The following TFB1M variants were observed in gnomAD, a reference collection of about 807,000 sequenced individuals.
The protein encoded by TFB1M is transcription factor B1, mitochondrial, also known as dimethyladenosine transferase 1, mitochondrial.
Under a neutral mutation model 31.1 loss-of-function variants are expected in TFB1M, and 27 were observed. The ratio of observed to expected loss-of-function variants is 0.87; its 90% CI spans 0.64 to 1.20. TFB1M has a LOEUF of 1.20. Ranked by LOEUF, TFB1M falls within the 50% of genes most tolerant of loss-of-function variation. The pLI is 0.00. For missense variants in TFB1M, 394 were observed against 418.7 expected (o/e 0.94, Z 0.51); for synonymous variants, 166 against 151.8 (o/e 1.09, Z -0.69).
At chr6:155,276,341 G>A (rs368500699) in intron 5 of TFB1M, 10 of 1,613,196 alleles carry the variant, frequency 6.2e-6, no homozygotes, top group Admixed American at 1.7e-5. Flanking sequence ...CACACAGCTC[G>A]AGAACAATTC....
At chr6:155,232,199 G>T in the TFB1M span, among the ~76,000 whole-genome samples, 8,770 of 152,084 alleles carry the variant, frequency 0.058, 845 homozygotes, top group African/African-American at 0.2. Flanking sequence ...AGATCTTTCT[G>T]TAAGTTAGAC....
downstream of TFB1M, chr6:155,254,217 T>A (rs370449682): frequency 6.1e-6 from 6 of 986,122 alleles, no homozygotes. Flanking sequence ...TAGGAGACTA[T>A]GTTGATTAAA....
Position 155,257,562 on chromosome 6 carries a change from A to C in TFB1M, c.*274T>G. 1 of 378,302 alleles carries C rather than the reference A, an allele frequency of 2.6e-6. No homozygotes were observed. The highest frequency in any genetic ancestry group is 4.4e-6 in the Non-Finnish European group (1 of 227,756). 23.4% of individuals were successfully genotyped at this position (378,302 alleles called of 1,614,324 possible). A position where few individuals can be genotyped will look rare whatever the true frequency, so the allele number is the denominator to read the frequency against. The stretch of plus-strand genomic sequence containing the variant: ...AATGTGGTTTAGGGGCAAAATGTGC[A>C]GATACTTCATTTTTGTAAGATAGAT... On this transcript the variant is annotated 3_prime_UTR_variant, in exon 7 of 7. Transcript: ENST00000367166.
the TFB1M span, chr6:155,244,093 C>T: frequency 2.5e-5 from 40 of 1,611,532 alleles, no homozygotes; most frequent in Admixed American, 3.2e-4. Context: ...AATAAAATCA[C>T]CTTCCTTCTG....
chr6:155,291,092 AT>A (rs1321371585), intron 4 of TFB1M, among the ~76,000 whole-genome samples: 1 of 152,144 alleles, frequency 6.6e-6, no homozygotes, highest in Non-Finnish European at 1.5e-5. Flanking sequence ...GAACCCTCTG[AT>A]TTATTTTATA....
intron 5 of TFB1M, 42 bp from the exon 6 acceptor site, chr6:155,260,442 T>C: frequency 6.2e-7 from 1 of 1,613,188 alleles, no homozygotes; most frequent in Non-Finnish European, 8.5e-7. Context: ...TGGCATGATA[T>C]GTGGCATAGT....
chr6:155,257,999 C>G lies in TFB1M; in HGVS notation c.878G>C (p.Arg293Pro). 6.2e-7 allele frequency: 1 copy of G among 1,614,192 alleles called. No individual in the cohort carries two copies. The stretch of plus-strand genomic sequence containing the variant: ...CTTAAAGTGTGAGATGGAGAGCTGG[C>G]GGGGCCGAAGAGTAGGGTCTATGTC... ...LADIDPTLRP[R>P]QLSISHFKSL... Residue 293 changes from arginine (R) to proline (P), a missense_variant, in exon 7 of 7, where the codon CGC (arginine) becomes CCC (proline). Physicochemically the swap from Arg to Pro is moderately radical, Grantham distance 103. This residue lies in a region of TFB1M where 115 missense variants were observed against 144.1 expected (regional missense o/e 0.80). Coordinates refer to ENST00000367166, the MANE Select transcript of TFB1M (RefSeq NM_016020.4).
At chr6:155,271,999 TCAG>T (rs1475827012) in intron 5 of TFB1M, among the ~76,000 whole-genome samples, 4 of 152,204 alleles carry the variant, frequency 2.6e-5, no homozygotes, top group African/African-American at 7.2e-5. Flanking sequence ...TCTAACACCA[TCAG>T]CAGTTTTTAC....
At chr6:155,294,214 T>C (rs12529366) in intron 4 of TFB1M, among the ~76,000 whole-genome samples, 13,802 of 152,224 alleles carry the variant, frequency 0.091, 780 homozygotes, top group Non-Finnish European at 0.11. Context: ...GAGTGGACTA[T>C]AGATATAAAT....
At chr6:155,260,143 G>T (rs1352346119) in intron 6 of TFB1M, 130 bp downstream of exon 6, 9 of 1,085,466 alleles carry the variant, frequency 8.3e-6, no homozygotes, top group Non-Finnish European at 1.1e-5. Context: ...GTGAAGTCTT[G>T]TCCGTCACAG....
Position 155,256,417 on chromosome 6 carries a change from G to C in TFB1M, c.*1419C>G, listed in dbSNP as rs1424391558. 6.2e-7 allele frequency: 1 copy of C among 1,601,582 alleles called. No homozygotes were observed. Among genetic ancestry groups the C allele is most frequent in the Non-Finnish European group, 8.5e-7 (1 of 1,173,908 alleles). Reference sequence around the variant, plus strand: ...TAATGTTAAATCTTACACAAGCTTTGAGGCAAACATTACACATTGTGTAAC... The same window carrying C: ...TAATGTTAAATCTTACACAAGCTTTCAGGCAAACATTACACATTGTGTAAC... On this transcript the variant is annotated 3_prime_UTR_variant, in exon 7 of 7. Coordinates refer to ENST00000367166, the MANE Select transcript of TFB1M (RefSeq NM_016020.4).
rs565754803 is a variant in TFB1M at position 155,314,415 on chromosome 6, C to G, written c.14G>C (p.Gly5Ala). The G allele has an allele frequency of 1.2e-6, 2 of 1,614,096 alleles. No individual in the cohort carries two copies. Among genetic ancestry groups the G allele is most frequent in the African/African-American group, 2.7e-5 (2 of 74,936 alleles). Residue 5 changes from glycine to alanine, a missense_variant, in exon 1 of 7, where the codon GGA becomes GCA. Gly to Ala is a moderately conservative substitution (Grantham distance 60). Around this residue, in one of 3 missense-constraint regions of TFB1M, gnomAD observed 273 missense variants for 256.4 expected, o/e 1.06. Coordinates refer to ENST00000367166, the MANE Select transcript of TFB1M (RefSeq NM_016020.4). ...AGGGAGACGGCAAGTGCTGAGTTTTCCGGAGGCAGCCATGATACGCGGCAA... is the reference window on the plus strand; with the variant it reads ...AGGGAGACGGCAAGTGCTGAGTTTTGCGGAGGCAGCCATGATACGCGGCAA... MAASGKLSTCRLPPL... is the reference protein window; with the variant it reads MAASAKLSTCRLPPL...
chr6:155,232,098 CAAAAA>C, the TFB1M span, among the ~76,000 whole-genome samples: 7 of 136,544 alleles, frequency 5.1e-5, no homozygotes, highest in East Asian at 2.8e-4. Context: ...AAAACAAAAA[CAAAAA>C]AAAACAAAAA....
chr6:155,288,013 C>T (rs770395454), intron 4 of TFB1M, among the ~76,000 whole-genome samples: 1 of 152,154 alleles, frequency 6.6e-6, no homozygotes, highest in Non-Finnish European at 1.5e-5. Context: ...TGCTCTTTCC[C>T]GCTTCACTGC....
At position 155,259,240 on chromosome 6, in the gene TFB1M, C is replaced by T. The variant is rs1583305001; in HGVS notation, c.794+1033G>A. 2.0e-5 allele frequency among the ~76,000 whole-genome samples: 3 copies of T among 152,350 alleles called. No individual in the cohort carries two copies. The East Asian group carries it at 5.8e-4, about 29-fold the overall frequency. ...GCTTCTGTTTCACTCACCAGCAGTG[C>T]ACAGTAGCTGGGGGCTGCAGCCAAA... On this transcript the variant is annotated intron_variant, in intron 6 of 6. Transcript: ENST00000367166.
At chr6:155,248,507 G>A in the TFB1M span, among the ~76,000 whole-genome samples, 1 of 152,214 alleles carries the variant, frequency 6.6e-6, no homozygotes, top group South Asian at 2.1e-4. Context: ...CAGTGCCGCT[G>A]GAACTGAAAA....
At chr6:155,241,346 C>A in the TFB1M span, among the ~76,000 whole-genome samples, 2 of 152,150 alleles carry the variant, frequency 1.3e-5, no homozygotes. Context: ...TTTCCTGGAG[C>A]TTTGGTACCA....
At chr6:155,301,531 C>T (rs1254359212) in intron 2 of TFB1M, among the ~76,000 whole-genome samples, 1 of 152,182 alleles carries the variant, frequency 6.6e-6, no homozygotes, top group Non-Finnish European at 1.5e-5. Flanking sequence ...CTTCAAAACC[C>T]TGGAGGTGTT....
At chr6:155,262,694 A>T (rs1363095263) in intron 5 of TFB1M, among the ~76,000 whole-genome samples, 1 of 152,224 alleles carries the variant, frequency 6.6e-6, no homozygotes, top group East Asian at 1.9e-4. Context: ...TAAGACCAAA[A>T]GCACAAATAC....
Sources: allele counts gnomAD v4.1 joint callset (sites outside exome capture counted in the v4.1 genomes callset), GRCh38; gene constraint gnomAD v4.1.1; regional missense constraint gnomAD v4.1.1; transcripts MANE v1.5; gene names NCBI Gene and HGNC (gene_info 2026-07-23, HGNC 2026-07-21).